SRGAP1: variants seen among roughly 807,000 people sequenced by gnomAD.
SRGAP1 encodes SLIT-ROBO Rho GTPase-activating protein 1.
In SRGAP1, 43 loss-of-function variants were observed where a neutral mutation model predicts 121.9. The observed-to-expected ratio is 0.35, with a 90% CI of 0.28 to 0.46. SRGAP1 has a LOEUF of 0.46. SRGAP1 is among the 20% of genes least tolerant of loss of function. SRGAP1 has a pLI of 1.00. For synonymous variants in SRGAP1, 447 were observed against 485.4 expected, an observed-to-expected ratio of 0.92 and a Z score of 1.04; for missense variants, 1,102 against 1,350.9, an observed-to-expected ratio of 0.82 and a Z score of 2.89.
Position 64,155,668 on chromosome 12 carries a change from G to A in SRGAP1, c.*12996G>A, listed in dbSNP as rs1434314896. On this transcript the variant is annotated 3_prime_UTR_variant, in exon 22 of 22. Transcript: ENST00000355086. ...GTCCCGCTCCGTCTCCCAGGCTGGA[G>A]TGCAGTGGCGCGACCTCGGCTCACC... 2 of 151,916 alleles carry A rather than the reference G, an allele frequency of 1.3e-5. No homozygotes were observed. Among genetic ancestry groups the A allele is most frequent in the Non-Finnish European group, 2.9e-5 (2 of 67,988 alleles). The allele number at this position is 151,916 out of a possible 1,614,324, so 9.4% of individuals were successfully genotyped here.
At chr12:64,120,165 C>T (rs1297239484) in intron 18 of SRGAP1, among the ~76,000 whole-genome samples, 1 of 152,092 alleles carries the variant, frequency 6.6e-6, no homozygotes, top group African/African-American at 2.4e-5. Context: ...TATTCATTAG[C>T]GCTTCCCATC....
At chr12:63,891,884 G>A (rs1388261208) in intron 1 of SRGAP1, among the ~76,000 whole-genome samples, 1 of 151,432 alleles carries the variant, frequency 6.6e-6, no homozygotes, top group Non-Finnish European at 1.5e-5. Context: ...CTACTGTGGG[G>A]CTGAGGCATG....
chr12:64,156,322 A>C lies in SRGAP1; in HGVS notation c.*13650A>C, dbSNP rs1396541062. ...AGAACAATGTCAGGTGGAGAGAAGG[A>C]ATTGAATGAATATTTTTAATAAATT... On this transcript the variant is annotated 3_prime_UTR_variant, in exon 22 of 22. Transcript: ENST00000355086. The C allele has an allele frequency of 6.6e-6, 1 of 152,200 alleles. No homozygotes were observed. The highest frequency in any genetic ancestry group is 6.5e-5 in the Admixed American group (1 of 15,282). 9.4% of individuals were successfully genotyped at this position (152,200 alleles called of 1,614,324 possible). A position where few individuals can be genotyped will look rare whatever the true frequency, so the allele number is the denominator to read the frequency against.
At chr12:64,136,912 C>T (rs909048911) in intron 21 of SRGAP1, among the ~76,000 whole-genome samples, 1 of 152,094 alleles carries the variant, frequency 6.6e-6, no homozygotes, top group East Asian at 1.9e-4. Context: ...GGTAGGAAGG[C>T]ATATAAGGTC....
At chr12:63,969,658 G>T (rs145283035) in intron 1 of SRGAP1, among the ~76,000 whole-genome samples, 2 of 152,048 alleles carry the variant, frequency 1.3e-5, no homozygotes, top group Non-Finnish European at 2.9e-5. Context: ...GCCGGGCGTG[G>T]TGGTGGGCAC....
intron 1 of SRGAP1, among the ~76,000 whole-genome samples, chr12:63,858,424 T>C (rs894772801): frequency 6.6e-6 from 1 of 151,888 alleles, no homozygotes; most frequent in Non-Finnish European, 1.5e-5. Context: ...CAAACAATCC[T>C]CCTGCCTCGG....
At chr12:63,950,829 C>T (rs1019022082) in intron 1 of SRGAP1, among the ~76,000 whole-genome samples, 1 of 152,138 alleles carries the variant, frequency 6.6e-6, no homozygotes, top group African/African-American at 2.4e-5. Flanking sequence ...TTTCTCCTTA[C>T]ACAGTGTCTT....
At chr12:64,060,708 A>G (rs789716) in intron 6 of SRGAP1, among the ~76,000 whole-genome samples, 145,720 of 152,284 alleles carry the variant, frequency 0.96, 70,022 homozygotes, top group East Asian at 1. Context: ...GTGGAATTAA[A>G]CAGGTTCTAA....
intron 21 of SRGAP1, among the ~76,000 whole-genome samples, chr12:64,136,427 T>G (rs2036857128): frequency 6.6e-6 from 1 of 152,156 alleles, no homozygotes; most frequent in African/African-American, 2.4e-5. Flanking sequence ...GGATTACCAT[T>G]TGAATAATCT....
chr12:63,921,664 T>C (rs1366144534), intron 1 of SRGAP1, among the ~76,000 whole-genome samples: 4 of 152,236 alleles, frequency 2.6e-5, no homozygotes, highest in Non-Finnish European at 5.9e-5. Context: ...TTATCTGTTA[T>C]ATGTTCTTAA....
At chr12:64,043,407 T>C in intron 5 of SRGAP1, 40 bp from the exon 6 acceptor site, 1 of 1,585,494 alleles carries the variant, frequency 6.3e-7, no homozygotes, top group Non-Finnish European at 8.6e-7. Context: ...TAAAAATGAC[T>C]TTGCATTCTT....
chr12:64,022,341 A>G (rs80285156), intron 4 of SRGAP1, among the ~76,000 whole-genome samples: 5,102 of 152,232 alleles, frequency 0.034, 198 homozygotes, highest in African/African-American at 0.094. Context: ...GTAAGTTCCA[A>G]TTCAACTCCA....
At chr12:64,002,469 C>T (rs1031241883) in intron 3 of SRGAP1, among the ~76,000 whole-genome samples, 5 of 152,132 alleles carry the variant, frequency 3.3e-5, no homozygotes, top group African/African-American at 1.2e-4. Context: ...CCCAACTTTC[C>T]AGTTAGAGCA....
chr12:64,039,276 A>G (rs554063665), intron 4 of SRGAP1, among the ~76,000 whole-genome samples: 2 of 152,332 alleles, frequency 1.3e-5, no homozygotes, highest in East Asian at 3.9e-4. Context: ...ATACTCAGCT[A>G]TTGTGCTGAA....
In SRGAP1 at chr12:64,147,610, G is replaced by A. The variant is rs1244255059; in HGVS notation, c.*4938G>A. On this transcript the variant is annotated 3_prime_UTR_variant, in exon 22 of 22. Coordinates refer to ENST00000355086, the MANE Select transcript of SRGAP1 (RefSeq NM_020762.4). ...TGCTGACAGCATCGCATTCGCCCGTGCTCTGTACTGCCTCTCACCATTTCA... is the reference window on the plus strand; with the variant it reads ...TGCTGACAGCATCGCATTCGCCCGTACTCTGTACTGCCTCTCACCATTTCA... 2 of 398,562 alleles carry A rather than the reference G, an allele frequency of 5.0e-6. No individual in the cohort carries two copies. Among genetic ancestry groups the A allele is most frequent in the Non-Finnish European group, 8.8e-6 (2 of 226,118 alleles). 24.7% of individuals were successfully genotyped at this position (398,562 alleles called of 1,614,324 possible). A position where few individuals can be genotyped will look rare whatever the true frequency, so the allele number is the denominator to read the frequency against.
intron 1 of SRGAP1, among the ~76,000 whole-genome samples, chr12:63,933,459 T>C (rs2031553207): frequency 6.6e-6 from 1 of 152,078 alleles, no homozygotes; most frequent in South Asian, 2.1e-4. Flanking sequence ...TGGGGACTAT[T>C]AATGTCTATG....
At chr12:64,060,956 A>C (rs1229942946) in intron 6 of SRGAP1, among the ~76,000 whole-genome samples, 4 of 152,208 alleles carry the variant, frequency 2.6e-5, no homozygotes, top group African/African-American at 7.2e-5. Context: ...GAATTGAATC[A>C]AACTGAATTG....
chr12:64,095,891 C>T (rs2136591700), intron 14 of SRGAP1, among the ~76,000 whole-genome samples: 1 of 152,204 alleles, frequency 6.6e-6, no homozygotes, highest in South Asian at 2.1e-4. Flanking sequence ...AGAAACATTC[C>T]AATTAGCACA....
At chr12:63,929,063 C>G (rs1027648681) in intron 1 of SRGAP1, among the ~76,000 whole-genome samples, 20 of 152,198 alleles carry the variant, frequency 1.3e-4, no homozygotes, top group Non-Finnish European at 2.6e-4. Flanking sequence ...CATCCATGGC[C>G]TGGGGGTTGG....
Sources: gnomAD v4.1 joint callset for allele counts (sites outside exome capture counted in the v4.1 genomes callset) on GRCh38, gnomAD v4.1.1 for gene constraint, MANE v1.5 for transcripts, NCBI Gene and HGNC (gene_info 2026-07-23, HGNC 2026-07-21) for gene names.